Variants in SUGCT observed in about 807,000 individuals in gnomAD.
The protein encoded by SUGCT is succinyl-CoA:glutarate CoA-transferase.
In SUGCT, 41 loss-of-function variants were observed where a neutral mutation model predicts 55.0. That is an observed-to-expected ratio of 0.74 (90% CI 0.58 to 0.97). The LOEUF (loss-of-function observed/expected upper bound fraction) is 0.97. Among genes scored for constraint, SUGCT ranks in the 50% least tolerant of loss-of-function variants. The pLI is 0.00. For synonymous variants in SUGCT, 187 were observed against 200.4 expected, an observed-to-expected ratio of 0.93 and a Z score of 0.56; for missense variants, 568 against 547.8, an observed-to-expected ratio of 1.04 and a Z score of -0.37.
At chr7:40,735,173 G>T (rs755068253) in intron 12 of SUGCT, among the ~76,000 whole-genome samples, 23 of 152,288 alleles carry the variant, frequency 1.5e-4, no homozygotes, top group South Asian at 4.1e-4. Context: ...AAAGTTTGTA[G>T]TTTGGTTCTG....
the SUGCT span, among the ~76,000 whole-genome samples, chr7:40,951,396 C>G: frequency 6.6e-6 from 1 of 151,886 alleles, no homozygotes; most frequent in Admixed American, 6.6e-5. Flanking sequence ...TTGATCTTTT[C>G]AAAAAACCAG....
At chr7:40,779,117 C>T (rs1008460982) in intron 13 of SUGCT, among the ~76,000 whole-genome samples, 2 of 152,052 alleles carry the variant, frequency 1.3e-5, no homozygotes, top group Non-Finnish European at 2.9e-5. Context: ...GTCTTTGCCC[C>T]AGAAAAATTC....
At chr7:40,926,850 G>C in the SUGCT span, among the ~76,000 whole-genome samples, 1 of 152,164 alleles carries the variant, frequency 6.6e-6, no homozygotes, top group Non-Finnish European at 1.5e-5. Context: ...AGCCCAACCA[G>C]ACAAATACAC....
At chr7:40,341,988 C>T (rs1399038464) in intron 9 of SUGCT, among the ~76,000 whole-genome samples, 2 of 152,208 alleles carry the variant, frequency 1.3e-5, no homozygotes, top group African/African-American at 4.8e-5. Context: ...AAATTAAATA[C>T]ATGTGAATGT....
chr7:40,147,508 C>T (rs1788317923), intron 1 of SUGCT, among the ~76,000 whole-genome samples: 1 of 152,204 alleles, frequency 6.6e-6, no homozygotes, highest in Non-Finnish European at 1.5e-5. Flanking sequence ...TTGGTATGTC[C>T]TAACCAAGGA....
At position 40,615,073 on chromosome 7, in the gene SUGCT, GAAAGAAAA is replaced by G. The variant is rs1397180749; in HGVS notation, c.1089+118696_1089+118703del. 1.3e-4 allele frequency among the ~76,000 whole-genome samples: 19 copies of G among 149,166 alleles called. 1 individual carries two copies. In the South Asian group the frequency reaches 4.1e-3, roughly 32 times the overall value. ...TCCATCTCAAAAGAAAAAAAAAAAA[GAAAGAAAA>G]AAAGAAAATGATAAAAATTTAAAAA... On this transcript the variant is annotated intron_variant, in intron 12 of 13. Coordinates refer to ENST00000335693, the MANE Select transcript of SUGCT (RefSeq NM_001193313.2).
chr7:40,321,377 A>AT (rs765135872), intron 9 of SUGCT, among the ~76,000 whole-genome samples: 16 of 108,304 alleles, frequency 1.5e-4, no homozygotes, highest in Non-Finnish European at 2.5e-4. Flanking sequence ...GTGCCCAGCC[A>AT]TTTTTGTTTT....
chr7:40,371,081 G>A (rs1583534646), intron 9 of SUGCT, among the ~76,000 whole-genome samples: 1 of 152,138 alleles, frequency 6.6e-6, no homozygotes, highest in Non-Finnish European at 1.5e-5. Context: ...CATGCTAAAT[G>A]TTTTTACTCA....
chr7:40,919,492 T>C, the SUGCT span, among the ~76,000 whole-genome samples: 3 of 152,226 alleles, frequency 2.0e-5, no homozygotes, highest in African/African-American at 4.8e-5. Context: ...TTGTTTATGA[T>C]CCTGTATACA....
intron 12 of SUGCT, among the ~76,000 whole-genome samples, chr7:40,648,362 G>T (rs1800623869): frequency 6.6e-6 from 1 of 152,026 alleles, no homozygotes; most frequent in South Asian, 2.1e-4. Context: ...TTAAATATTT[G>T]ATTATATAGA....
chr7:41,005,920 C>T, the SUGCT span, among the ~76,000 whole-genome samples: 1 of 152,178 alleles, frequency 6.6e-6, no homozygotes, highest in African/African-American at 2.4e-5. Flanking sequence ...AATGTGTATC[C>T]CAGACTGCAA....
intron 13 of SUGCT, among the ~76,000 whole-genome samples, chr7:40,824,991 T>C (rs998939139): frequency 6.6e-6 from 1 of 152,188 alleles, no homozygotes; most frequent in African/African-American, 2.4e-5. Flanking sequence ...AAAAGGGGAC[T>C]GCTTCATGCA....
chr7:40,251,526 C>T (rs1790402689), intron 7 of SUGCT, among the ~76,000 whole-genome samples: 2 of 152,130 alleles, frequency 1.3e-5, no homozygotes, highest in Admixed American at 6.5e-5. Flanking sequence ...CAGGGGTCAG[C>T]CCTCTTCCCA....
downstream of SUGCT, among the ~76,000 whole-genome samples, chr7:40,863,545 G>A (rs377142430): frequency 1.2e-3 from 188 of 152,298 alleles, 5 homozygotes; most frequent in South Asian, 0.038. Flanking sequence ...GTCCAGGCTA[G>A]ACAGACTATG....
At chr7:40,986,831 A>G in the SUGCT span, among the ~76,000 whole-genome samples, 111,612 of 151,974 alleles carry the variant, frequency 0.73, 41,385 homozygotes, top group Middle Eastern at 0.82. Context: ...TCCCTAACTG[A>G]ACTACCTTTC....
the SUGCT span, among the ~76,000 whole-genome samples, chr7:40,881,261 G>A: frequency 1.3e-5 from 2 of 152,136 alleles, no homozygotes; most frequent in African/African-American, 4.8e-5. Context: ...CTGCTATATA[G>A]AACACAACTC....
At chr7:40,726,431 G>A (rs540004841) in intron 12 of SUGCT, among the ~76,000 whole-genome samples, 8 of 152,000 alleles carry the variant, frequency 5.3e-5, no homozygotes, top group Non-Finnish European at 1.0e-4. Flanking sequence ...ATAGGCTGAG[G>A]GGGGAGCAGA....
the SUGCT span, among the ~76,000 whole-genome samples, chr7:41,004,762 A>C: frequency 5.9e-5 from 9 of 151,864 alleles, no homozygotes; most frequent in East Asian, 1.8e-3. Context: ...ACTGTACAGT[A>C]AAATATTCTA....
intron 13 of SUGCT, among the ~76,000 whole-genome samples, chr7:40,776,194 A>C (rs1320126571): frequency 6.6e-6 from 1 of 152,086 alleles, no homozygotes; most frequent in Non-Finnish European, 1.5e-5. Flanking sequence ...CTAAACCCAG[A>C]ATCTGCTGTT....
Sources: allele counts gnomAD v4.1 joint callset (sites outside exome capture counted in the v4.1 genomes callset), GRCh38; gene constraint gnomAD v4.1.1; transcripts MANE v1.5; gene names NCBI Gene and HGNC (gene_info 2026-07-23, HGNC 2026-07-21).